QTGAL: variants seen among roughly 807,000 people sequenced by gnomAD.
QTGAL encodes queuosine-tRNA galactosyltransferase, also known as BGnT-like protein 1.
chr17:82,958,547 T>TC, the QTGAL span, among the ~76,000 whole-genome samples: 3 of 151,514 alleles, frequency 2.0e-5, no homozygotes, highest in African/African-American at 4.9e-5. Context: ...AACTTGTGAC[T>TC]CCCCCCCAAC....
the QTGAL span, among the ~76,000 whole-genome samples, chr17:82,968,088 C>T: frequency 2.0e-5 from 3 of 152,218 alleles, no homozygotes; most frequent in South Asian, 4.1e-4. Flanking sequence ...CGCAGCCAGC[C>T]GTTCCAGTCC....
chr17:83,016,695 T>G, the QTGAL span, among the ~76,000 whole-genome samples: 19 of 63,404 alleles, frequency 3.0e-4, no homozygotes, highest in Admixed American at 4.2e-4. Flanking sequence ...GGAGAGAGAA[T>G]AGAGGAGGGA....
At chr17:83,045,225 G>A in the QTGAL span, among the ~76,000 whole-genome samples, 14 of 152,182 alleles carry the variant, frequency 9.2e-5, no homozygotes, top group Admixed American at 2.0e-4. Context: ...AGGTACTGGC[G>A]TAAGGACAGA....
chr17:82,946,893 C>CATGG, the QTGAL span: 1 of 1,559,108 alleles, frequency 6.4e-7, no homozygotes, highest in Non-Finnish European at 8.7e-7. Context: ...GAGCAGCTGC[C>CATGG]ATGGGTCCGT....
chr17:83,048,728 C>G, the QTGAL span: 1 of 1,614,188 alleles, frequency 6.2e-7, no homozygotes, highest in Admixed American at 1.7e-5. Flanking sequence ...TGTTGCAAAA[C>G]AGACCTCAAA....
At chr17:83,011,190 G>T in the QTGAL span, among the ~76,000 whole-genome samples, 1 of 152,244 alleles carries the variant, frequency 6.6e-6, no homozygotes, top group Non-Finnish European at 1.5e-5. Flanking sequence ...GTCAGCCGGG[G>T]CGAGAGGAGG....
At chr17:82,954,764 G>T in the QTGAL span, among the ~76,000 whole-genome samples, 1 of 152,132 alleles carries the variant, frequency 6.6e-6, no homozygotes, top group Non-Finnish European at 1.5e-5. Context: ...AAACAGCATG[G>T]TACTGGTACC....
At chr17:82,987,993 T>C in the QTGAL span, among the ~76,000 whole-genome samples, 106 of 152,288 alleles carry the variant, frequency 7.0e-4, 1 homozygote, top group African/African-American at 2.4e-3. Context: ...TCACCTCCCT[T>C]GTTAGCTGTA....
chr17:82,942,482 T>C, the QTGAL span: 5 of 1,613,920 alleles, frequency 3.1e-6, no homozygotes, highest in Non-Finnish European at 4.2e-6. Context: ...CTGGAGCCCA[T>C]ACCTCACCCC....
At chr17:82,955,355 AAAG>A in the QTGAL span, among the ~76,000 whole-genome samples, 1 of 152,252 alleles carries the variant, frequency 6.6e-6, no homozygotes, top group African/African-American at 2.4e-5. Flanking sequence ...AACATGAAAA[AAAG>A]CTCATCACTG....
At chr17:82,974,493 CA>C in the QTGAL span, among the ~76,000 whole-genome samples, 1 of 152,220 alleles carries the variant, frequency 6.6e-6, no homozygotes, top group Non-Finnish European at 1.5e-5. Context: ...GGTGCCTCCC[CA>C]AGGGGTCAGG....
At chr17:83,047,043 G>C in the QTGAL span, among the ~76,000 whole-genome samples, 7 of 152,234 alleles carry the variant, frequency 4.6e-5, no homozygotes, top group Non-Finnish European at 1.0e-4. Flanking sequence ...AAGCAGGCGA[G>C]TGGTTGCCAG....
At chr17:82,961,354 A>C in the QTGAL span, 3 of 527,142 alleles carry the variant, frequency 5.7e-6, no homozygotes, top group Non-Finnish European at 5.9e-6. Context: ...ACCACAACAG[A>C]CGTGAGCAAC....
the QTGAL span, chr17:83,005,073 C>G: frequency 2.0e-6 from 3 of 1,509,662 alleles, no homozygotes; most frequent in African/African-American, 2.8e-5. The surrounding 1 kb of genome is among the most constrained non-coding windows in gnomAD (Gnocchi z 5.6). Context: ...CGCCCAGAGG[C>G]GACCTGTGCA....
the QTGAL span, among the ~76,000 whole-genome samples, chr17:83,035,610 AAC>A: frequency 3.3e-5 from 5 of 152,216 alleles, no homozygotes; most frequent in African/African-American, 7.2e-5. Context: ...ACAAGGATAA[AAC>A]ACAGAGTCCA....
At chr17:82,965,580 T>C in the QTGAL span, 17 of 1,419,888 alleles carry the variant, frequency 1.2e-5, no homozygotes, top group Non-Finnish European at 1.4e-5. Flanking sequence ...GTGGCCAGTG[T>C]GCAGAGCCCA....
At chr17:82,966,142 C>G in the QTGAL span, among the ~76,000 whole-genome samples, 1 of 151,668 alleles carries the variant, frequency 6.6e-6, no homozygotes, top group Non-Finnish European at 1.5e-5. Flanking sequence ...ACCTCAAACC[C>G]CTGGCCTCAA....
At chr17:83,016,418 A>AGG in the QTGAL span, among the ~76,000 whole-genome samples, 1 of 151,648 alleles carries the variant, frequency 6.6e-6, no homozygotes, top group Non-Finnish European at 1.5e-5. Flanking sequence ...TGAAGAGAGG[A>AGG]GGCTGGGGAC....
chr17:82,998,705 T>C, the QTGAL span, among the ~76,000 whole-genome samples: 2 of 152,194 alleles, frequency 1.3e-5, no homozygotes, highest in Non-Finnish European at 2.9e-5. Flanking sequence ...GACAAGCCAC[T>C]GACTCAGAAA....
Sources: allele counts gnomAD v4.1 joint callset (sites outside exome capture counted in the v4.1 genomes callset), GRCh38; gene constraint gnomAD v4.1.1; non-coding constraint Gnocchi (gnomAD v3.1); transcripts MANE v1.5; gene names NCBI Gene and HGNC (gene_info 2026-07-23, HGNC 2026-07-21).